Variants in ADAMTS12 observed in about 807,000 individuals in gnomAD.
ADAMTS12 encodes the protein A disintegrin and metalloproteinase with thrombospondin motifs 12.
ADAMTS12 carries 118 observed loss-of-function variants against 167.8 expected under a neutral mutation model. The observed-to-expected ratio is 0.70, with a 90% CI of 0.61 to 0.82. The LOEUF (loss-of-function observed/expected upper bound fraction) is 0.82, where lower values mean the gene tolerates loss of function less well. Ranked by LOEUF, ADAMTS12 falls within the 40% of genes least tolerant of loss-of-function variation. The probability of loss-of-function intolerance (pLI) is 0.00; values close to 1 mark genes in which losing one functional copy is unlikely to be tolerated. For missense variants in ADAMTS12, 1,916 were observed against 1,998.8 expected (o/e 0.96, Z 0.79); for synonymous variants, 704 against 716.9 (o/e 0.98, Z 0.29).
chr5:33,552,805 T>C (rs1296388753), intron 20 of ADAMTS12, among the ~76,000 whole-genome samples: 1 of 152,230 alleles, frequency 6.6e-6, no homozygotes, highest in Non-Finnish European at 1.5e-5. Context: ...CTTAGGCTGA[T>C]GCCTCCACCT....
chr5:33,864,867 AT>A (rs1290622904), intron 2 of ADAMTS12, among the ~76,000 whole-genome samples: 1 of 152,166 alleles, frequency 6.6e-6, no homozygotes, highest in African/African-American at 2.4e-5. Context: ...AAGGGATAGC[AT>A]TAGGAGAAAT....
intron 11 of ADAMTS12, among the ~76,000 whole-genome samples, chr5:33,637,966 T>C (rs1016033441): frequency 2.0e-5 from 3 of 152,184 alleles, no homozygotes; most frequent in African/African-American, 7.2e-5. Context: ...TATATATCAT[T>C]TCCACCTGTA....
At chr5:33,714,087 T>C (rs1339605210) in intron 3 of ADAMTS12, among the ~76,000 whole-genome samples, 2 of 152,144 alleles carry the variant, frequency 1.3e-5, no homozygotes, top group African/African-American at 4.8e-5. Context: ...TTTCAGGAGT[T>C]GGTGTTTCTT....
Position 33,576,789 on chromosome 5 carries a change from G to T in ADAMTS12, c.3237C>A (p.Arg1079=). Reference sequence around the variant, plus strand: ...AAGTGCTTCCAGTGGAAATGAGATAGCGAGAGCTCAGCTCAGGTTGGGTTG... The same window carrying T: ...AAGTGCTTCCAGTGGAAATGAGATATCGAGAGCTCAGCTCAGGTTGGGTTG... ...DSSTQPELSS[R]YLISTGSTSQ... Residue 1079 remains arginine (R), a synonymous_variant, in exon 19 of 24, where the codon CGC becomes CGA. Coordinates refer to ENST00000504830, the MANE Select transcript of ADAMTS12 (RefSeq NM_030955.4). The T allele has an allele frequency of 6.2e-7, 1 of 1,614,210 alleles. No homozygotes were observed. Among genetic ancestry groups the T allele is most frequent in the Non-Finnish European group, 8.5e-7 (1 of 1,180,036 alleles).
At chr5:33,770,751 T>C (rs980979230) in intron 2 of ADAMTS12, among the ~76,000 whole-genome samples, 3 of 151,794 alleles carry the variant, frequency 2.0e-5, no homozygotes, top group African/African-American at 7.3e-5. Context: ...TGTTCAGAGC[T>C]CCCAACCAGC....
At chr5:33,776,698 A>G (rs560198886) in intron 2 of ADAMTS12, among the ~76,000 whole-genome samples, 2 of 152,234 alleles carry the variant, frequency 1.3e-5, no homozygotes, top group Admixed American at 6.5e-5. Context: ...AGTTAACAGA[A>G]GGCAAGAAAT....
chr5:33,657,789 A>G (rs1411156686), intron 7 of ADAMTS12, among the ~76,000 whole-genome samples: 3 of 152,210 alleles, frequency 2.0e-5, no homozygotes, highest in Non-Finnish European at 2.9e-5. Context: ...AATGGCACAA[A>G]GTAAGGTGCA....
chr5:33,597,900 A>G (rs1376884663), intron 16 of ADAMTS12, among the ~76,000 whole-genome samples: 4 of 152,200 alleles, frequency 2.6e-5, no homozygotes, highest in Non-Finnish European at 5.9e-5. Context: ...ATGTCAAAAC[A>G]TGAAAAGGAC....
chr5:33,739,416 A>G (rs953727261), intron 3 of ADAMTS12, among the ~76,000 whole-genome samples: 5 of 152,240 alleles, frequency 3.3e-5, no homozygotes, highest in Admixed American at 3.3e-4. Context: ...ACTCAAATGC[A>G]TGTGGAGTCT....
At chr5:33,823,213 C>T (rs1378736833) in intron 2 of ADAMTS12, among the ~76,000 whole-genome samples, 1 of 152,136 alleles carries the variant, frequency 6.6e-6, no homozygotes, top group Non-Finnish European at 1.5e-5. Context: ...CAACTGAGAG[C>T]TTTTCTCCCT....
chr5:33,699,769 G>A (rs1324378893), intron 3 of ADAMTS12, among the ~76,000 whole-genome samples: 1 of 152,108 alleles, frequency 6.6e-6, no homozygotes, highest in Non-Finnish European at 1.5e-5. Context: ...TGAGGAGAAT[G>A]AAAAGACAAA....
intron 5 of ADAMTS12, among the ~76,000 whole-genome samples, chr5:33,677,391 G>A (rs1741951386): frequency 6.6e-6 from 1 of 152,140 alleles, no homozygotes; most frequent in Non-Finnish European, 1.5e-5. Flanking sequence ...AGGAAATGGA[G>A]ACACAGACAA....
chr5:33,621,832 C>T (rs1474785522), intron 14 of ADAMTS12, among the ~76,000 whole-genome samples: 1 of 152,192 alleles, frequency 6.6e-6, no homozygotes, highest in Non-Finnish European at 1.5e-5. Flanking sequence ...GACAGGCTCA[C>T]AAACCACAGA....
At chr5:33,806,569 C>T (rs865912251) in intron 2 of ADAMTS12, among the ~76,000 whole-genome samples, 2 of 151,974 alleles carry the variant, frequency 1.3e-5, no homozygotes, top group African/African-American at 2.4e-5. Flanking sequence ...GGAGCTGATG[C>T]TGACACTCCC....
chr5:33,826,248 T>C (rs1240579316), intron 2 of ADAMTS12, among the ~76,000 whole-genome samples: 4 of 152,136 alleles, frequency 2.6e-5, no homozygotes, highest in Non-Finnish European at 5.9e-5. Flanking sequence ...TCTACAATAG[T>C]GTGCTTAGCA....
chr5:33,655,121 A>G (rs988059984), intron 7 of ADAMTS12, among the ~76,000 whole-genome samples: 1 of 152,066 alleles, frequency 6.6e-6, no homozygotes, highest in African/African-American at 2.4e-5. Flanking sequence ...AAAAGTATGT[A>G]TATTCTATCT....
At chr5:33,790,331 G>A (rs893144460) in intron 2 of ADAMTS12, among the ~76,000 whole-genome samples, 5 of 152,094 alleles carry the variant, frequency 3.3e-5, no homozygotes, top group Non-Finnish European at 7.4e-5. Context: ...AAGGTGGATG[G>A]AACACAAGGT....
intron 2 of ADAMTS12, among the ~76,000 whole-genome samples, chr5:33,752,590 C>T (rs1745026003): frequency 6.6e-6 from 1 of 152,204 alleles, no homozygotes; most frequent in Non-Finnish European, 1.5e-5. Context: ...CATAGTCTCA[C>T]CTGCCATTAG....
At position 33,615,823 on chromosome 5, in the gene ADAMTS12, AT is replaced by A. The variant is rs753843198; in HGVS notation, c.2388+4del. On this transcript the variant is annotated splice_donor_region_variant and intron_variant, in intron 15 of 23. Coordinates refer to ENST00000504830, the MANE Select transcript of ADAMTS12 (RefSeq NM_030955.4). The stretch of plus-strand genomic sequence containing the variant: ...TGTCAGCAGTTTCCCTCCTTTCTGC[AT>A]TACCTGGATCCACACAGACTCATTG... The A allele has an allele frequency of 6.2e-7, 1 of 1,614,014 alleles. No individual in the cohort carries two copies. Among genetic ancestry groups the A allele is most frequent in the South Asian group, 1.1e-5 (1 of 91,060 alleles).
Sources: gnomAD v4.1 joint callset for allele counts (sites outside exome capture counted in the v4.1 genomes callset) on GRCh38, gnomAD v4.1.1 for gene constraint, MANE v1.5 for transcripts, NCBI Gene and HGNC (gene_info 2026-07-23, HGNC 2026-07-21) for gene names.